Variants in ZFHX3 observed in about 807,000 individuals in gnomAD.
The protein encoded by ZFHX3 is zinc finger homeobox 3, also known as zinc finger homeobox protein 3.
ZFHX3 carries 42 observed loss-of-function variants against 279.1 expected under a neutral mutation model. The ratio of observed to expected loss-of-function variants is 0.15; its 90% confidence interval spans 0.12 to 0.19. The LOEUF (loss-of-function observed/expected upper bound fraction) is 0.19, where lower values mean the gene tolerates loss of function less well. Among genes scored for constraint, ZFHX3 ranks in the 10% least tolerant of loss-of-function variants. The pLI is 1.00. For missense variants in ZFHX3, 4,981 were observed against 4,754.0 expected, an observed-to-expected ratio of 1.05 and a Z score of -1.40; for synonymous variants, 2,293 against 1,957.8, an observed-to-expected ratio of 1.17 and a Z score of -4.52.
chr16:73,779,187 TC>T (rs1202741355), intron 1 of ZFHX3, among the ~76,000 whole-genome samples: 3 of 152,108 alleles, frequency 2.0e-5, no homozygotes, highest in Admixed American at 2.0e-4. Context: ...CCAAAGTATA[TC>T]TTGGGAATTC....
chr16:73,801,920 T>C (rs554659261), intron 1 of ZFHX3, among the ~76,000 whole-genome samples: 1 of 152,320 alleles, frequency 6.6e-6, no homozygotes, highest in South Asian at 2.1e-4. Flanking sequence ...TCTGGCTTTC[T>C]CTAATAGCTT....
At chr16:72,825,303 G>A (rs2036904632) in intron 5 of ZFHX3, among the ~76,000 whole-genome samples, 1 of 152,278 alleles carries the variant, frequency 6.6e-6, no homozygotes, top group South Asian at 2.1e-4. Flanking sequence ...TGGTTATCGT[G>A]TTACTATGAT....
At chr16:73,517,378 C>T (rs1443305740) in intron 2 of ZFHX3, among the ~76,000 whole-genome samples, 2 of 152,174 alleles carry the variant, frequency 1.3e-5, no homozygotes, top group Admixed American at 6.5e-5. Context: ...TCTCCATATC[C>T]ATCTACAAAA....
intron 2 of ZFHX3, among the ~76,000 whole-genome samples, chr16:73,613,559 T>G (rs1324598281): frequency 6.6e-6 from 1 of 152,178 alleles, no homozygotes; most frequent in Non-Finnish European, 1.5e-5. Flanking sequence ...TTTGCTCTTT[T>G]TGAAACAAAG....
At chr16:73,702,453 C>A (rs1361869074) in intron 1 of ZFHX3, among the ~76,000 whole-genome samples, 1 of 152,138 alleles carries the variant, frequency 6.6e-6, no homozygotes, top group Non-Finnish European at 1.5e-5. Flanking sequence ...GACAGGTAAA[C>A]AAGAGCAAAG....
In ZFHX3 at chr16:72,957,851, G is replaced by T. The variant is rs376233920; in HGVS notation, c.2295C>A (p.Val765=). The change falls in exon 2 of 10, where the codon GTC becomes GTA. Residue 765 remains valine (V), a synonymous_variant. Transcript: ENST00000268489. ...QNLQNGGGEQ[V]FSHTAGAAAA... ...CCGCCGCCCCGGCAGTGTGGCTGAA[G>T]ACCTGCTCCCCCCCTCCATTCTGCA... 1 of 1,613,824 alleles carries T rather than the reference G, an allele frequency of 6.2e-7. No individual in the cohort carries two copies. Among genetic ancestry groups the T allele is most frequent in the Non-Finnish European group, 8.5e-7 (1 of 1,179,982 alleles).
chr16:73,533,638 T>C (rs115513767), intron 2 of ZFHX3, among the ~76,000 whole-genome samples: 2,785 of 151,674 alleles, frequency 0.018, 74 homozygotes, highest in African/African-American at 0.064. Context: ...TTCACTTGAA[T>C]TTTTAATAGA....
rs542098482 is a variant in ZFHX3 at position 72,865,338 on chromosome 16, G to A, written c.3448+24393C>T. On this transcript the variant is annotated intron_variant, in intron 4 of 9. Transcript: ENST00000268489. ...CTCCAAGGTGCCATCCACTAGCCCA[G>A]CAGAACCCTCAATATACACACAAGC... 3.3e-5 allele frequency among the ~76,000 whole-genome samples: 5 copies of A among 152,340 alleles called. No homozygotes were observed. The East Asian group carries it at 9.7e-4, about 29-fold the overall frequency.
At chr16:73,010,811 T>C (rs1435648931) in intron 1 of ZFHX3, among the ~76,000 whole-genome samples, 1 of 152,160 alleles carries the variant, frequency 6.6e-6, no homozygotes, top group Non-Finnish European at 1.5e-5. Context: ...TTTTATTTTA[T>C]TTTTTTACAC....
At chr16:73,819,912 G>A (rs909097949) in intron 1 of ZFHX3, among the ~76,000 whole-genome samples, 1 of 152,152 alleles carries the variant, frequency 6.6e-6, no homozygotes, top group African/African-American at 2.4e-5. Context: ...ACCGGCTGTG[G>A]CAGATCTTAT....
chr16:73,431,633 G>A (rs892038305), intron 3 of ZFHX3, among the ~76,000 whole-genome samples: 5 of 152,168 alleles, frequency 3.3e-5, no homozygotes, highest in African/African-American at 9.7e-5. Context: ...TAGACATGCA[G>A]TTAATCCCAG....
intron 2 of ZFHX3, among the ~76,000 whole-genome samples, chr16:73,535,071 G>A (rs1239828100): frequency 6.6e-6 from 1 of 152,040 alleles, no homozygotes; most frequent in Non-Finnish European, 1.5e-5. Context: ...GATTTGTAGT[G>A]TTAGCCGATT....
chr16:72,997,992 G>A (rs568606665), intron 1 of ZFHX3, among the ~76,000 whole-genome samples: 5 of 152,178 alleles, frequency 3.3e-5, no homozygotes, highest in Non-Finnish European at 7.3e-5. Context: ...TGGGATAGGA[G>A]AATTGCTTGA....
At chr16:73,770,736 C>T (rs1240707192) in intron 1 of ZFHX3, among the ~76,000 whole-genome samples, 1 of 152,210 alleles carries the variant, frequency 6.6e-6, no homozygotes, top group Non-Finnish European at 1.5e-5. Context: ...TTGTCTTCTG[C>T]ACCCCTCAAA....
At chr16:73,545,673 T>A (rs1270570673) in intron 2 of ZFHX3, among the ~76,000 whole-genome samples, 1 of 152,182 alleles carries the variant, frequency 6.6e-6, no homozygotes, top group African/African-American at 2.4e-5. Flanking sequence ...TTTATAACAT[T>A]CTATTTATCA....
chr16:72,954,679 T>C (rs903780741), intron 2 of ZFHX3, among the ~76,000 whole-genome samples: 1 of 152,130 alleles, frequency 6.6e-6, no homozygotes, highest in African/African-American at 2.4e-5. Flanking sequence ...TATGCTAAAC[T>C]TCAGAGTCGA....
At chr16:73,062,994 C>T (rs1045670210), upstream of ZFHX3, among the ~76,000 whole-genome samples, 1 of 152,270 alleles carries the variant, frequency 6.6e-6, no homozygotes, top group South Asian at 2.1e-4. Context: ...CCTCTTCGTT[C>T]CGCTAACTCC....
intron 2 of ZFHX3, among the ~76,000 whole-genome samples, chr16:73,652,414 T>G (rs1022205991): frequency 6.6e-6 from 1 of 152,238 alleles, no homozygotes; most frequent in Admixed American, 6.5e-5. Flanking sequence ...AATAAAGACT[T>G]CTTTTAAACA....
chr16:73,804,945 A>AGGAAGGGAGGGAGAGAGGGAGG (rs1960238277), intron 1 of ZFHX3, among the ~76,000 whole-genome samples: 1 of 84,690 alleles, frequency 1.2e-5, no homozygotes, highest in African/African-American at 4.2e-5. Flanking sequence ...AGAGAGGGAG[A>AGGAAGGGAGGGAGAGAGGGAGG]GGAAGGGAGG....
Sources: allele counts gnomAD v4.1 joint callset (sites outside exome capture counted in the v4.1 genomes callset), GRCh38; gene constraint gnomAD v4.1.1; transcripts MANE v1.5; gene names NCBI Gene and HGNC (gene_info 2026-07-23, HGNC 2026-07-21).